The following GRM1 variants were observed in gnomAD, a reference collection of about 807,000 sequenced individuals.
The protein encoded by GRM1 is glutamate metabotropic receptor 1, also known as metabotropic glutamate receptor 1.
In GRM1, 33 loss-of-function variants were observed where a neutral mutation model predicts 90.9. That is an observed-to-expected ratio of 0.36 (90% CI 0.28 to 0.49). The LOEUF (loss-of-function observed/expected upper bound fraction) is 0.49, where lower values mean the gene tolerates loss of function less well. Ranked by LOEUF, GRM1 falls within the 20% of genes least tolerant of loss-of-function variation. The pLI, the probability that GRM1 is intolerant of heterozygous loss-of-function variation, is 0.99. For synonymous variants in GRM1, 700 were observed against 613.2 expected (o/e 1.14, Z -2.09); for missense variants, 1,190 against 1,534.3 (o/e 0.78, Z 3.75).
At chr6:146,347,982 T>C (rs762159265) in intron 3 of GRM1, among the ~76,000 whole-genome samples, 6 of 152,228 alleles carry the variant, frequency 3.9e-5, no homozygotes, top group Admixed American at 1.3e-4. Flanking sequence ...CATAACCCAC[T>C]GTGAAGCAGT....
chr6:146,304,511 T>G (rs1783506469), intron 2 of GRM1, 100 bp from the exon 3 acceptor site: 1 of 867,436 alleles, frequency 1.2e-6, no homozygotes, highest in Admixed American at 2.0e-5. Context: ...TAAAATAGTC[T>G]GTAGCCTTTT....
At chr6:146,362,280 A>C (rs569640522) in intron 5 of GRM1, among the ~76,000 whole-genome samples, 1 of 152,338 alleles carries the variant, frequency 6.6e-6, no homozygotes, top group South Asian at 2.1e-4. Flanking sequence ...CCTCATTTAC[A>C]CATGCCCTAT....
At chr6:146,397,302 G>A (rs1013555824) in intron 6 of GRM1, among the ~76,000 whole-genome samples, 4 of 151,468 alleles carry the variant, frequency 2.6e-5, no homozygotes, top group African/African-American at 4.9e-5. Context: ...GTGAAACCCC[G>A]TCTCTAGTAA....
chr6:146,172,845 A>G (rs1778188200), intron 2 of GRM1, among the ~76,000 whole-genome samples: 1 of 152,224 alleles, frequency 6.6e-6, no homozygotes, highest in East Asian at 1.9e-4. Context: ...TGAAAAATGT[A>G]TAACACTTTA....
Position 146,399,045 on chromosome 6 carries a change from C to A in GRM1, c.2006C>A (p.Ala669Glu), listed in dbSNP as rs776187845. Reference sequence around the variant, plus strand: ...CGCCTCTTGGTTGGCCTCTCCTCTGCGATGTGCTACTCTGCTTTAGTGACT... The same window carrying A: ...CGCCTCTTGGTTGGCCTCTCCTCTGAGATGTGCTACTCTGCTTTAGTGACT... Reference protein sequence around the residue: ...LQRLLVGLSSAMCYSALVTKT... With the variant: ...LQRLLVGLSSEMCYSALVTKT... The change falls in exon 7 of 8, where the codon GCG becomes GAG. Residue 669 changes from alanine to glutamate, a missense_variant. By Grantham distance (107) the Ala-to-Glu change is moderately radical. Transcript: ENST00000282753. This position sits in a 1 kb window ranked among gnomAD's most constrained non-coding sequence, Gnocchi z 5.4. 2 of 1,614,082 alleles carry A rather than the reference C, an allele frequency of 1.2e-6. No homozygotes were observed. Among genetic ancestry groups the A allele is most frequent in the African/African-American group, 1.3e-5 (1 of 75,012 alleles).
chr6:146,134,672 G>A (rs989762069), intron 1 of GRM1, among the ~76,000 whole-genome samples: 3 of 152,044 alleles, frequency 2.0e-5, no homozygotes, highest in East Asian at 1.9e-4. Context: ...GGCTCACATC[G>A]GTAATCCTAG....
intron 2 of GRM1, among the ~76,000 whole-genome samples, chr6:146,288,948 T>C (rs945623329): frequency 2.6e-5 from 4 of 152,214 alleles, no homozygotes; most frequent in African/African-American, 9.7e-5. Flanking sequence ...TTTGTGGTGA[T>C]CCCAGTATAA....
intron 1 of GRM1, among the ~76,000 whole-genome samples, chr6:146,123,800 T>C (rs993548733): frequency 6.6e-6 from 1 of 152,182 alleles, no homozygotes; most frequent in African/African-American, 2.4e-5. Context: ...ATTCTCCCAC[T>C]GTTCTGGTCT....
intron 1 of GRM1, among the ~76,000 whole-genome samples, chr6:146,045,633 A>G (rs924210329): frequency 1.1e-4 from 16 of 151,816 alleles, no homozygotes; most frequent in Admixed American, 8.5e-4. Flanking sequence ...ATGAAACAAG[A>G]TGATCGATTA....
At chr6:146,258,013 A>G (rs1176373756) in intron 2 of GRM1, among the ~76,000 whole-genome samples, 1 of 151,912 alleles carries the variant, frequency 6.6e-6, no homozygotes, top group Non-Finnish European at 1.5e-5. Flanking sequence ...GTTTTTTTCT[A>G]AGAAAATACT....
intron 1 of GRM1, among the ~76,000 whole-genome samples, chr6:146,123,859 T>C (rs1441550408): frequency 6.6e-6 from 1 of 152,222 alleles, no homozygotes; most frequent in East Asian, 1.9e-4. Flanking sequence ...GATTCATCCT[T>C]ATTTTTAAAT....
intron 1 of GRM1, among the ~76,000 whole-genome samples, chr6:146,130,873 A>C (rs1042354517): frequency 1.3e-5 from 2 of 152,166 alleles, no homozygotes; most frequent in African/African-American, 4.8e-5. Context: ...TTTATCTACC[A>C]TCATGAGTCT....
chr6:146,195,770 A>G (rs564820235), intron 2 of GRM1, among the ~76,000 whole-genome samples: 33 of 152,330 alleles, frequency 2.2e-4, no homozygotes, highest in African/African-American at 7.5e-4. Flanking sequence ...GGCGATAGAG[A>G]GGGAATAAAC....
intron 2 of GRM1, among the ~76,000 whole-genome samples, chr6:146,174,290 A>G (rs1300017508): frequency 4.6e-5 from 7 of 152,204 alleles, no homozygotes; most frequent in African/African-American, 7.2e-5. Context: ...ACACTACACA[A>G]TAACTACTGG....
chr6:146,356,162 A>G (rs1785574884), intron 4 of GRM1, among the ~76,000 whole-genome samples: 1 of 152,234 alleles, frequency 6.6e-6, no homozygotes, highest in African/African-American at 2.4e-5. Flanking sequence ...AATGAAAATA[A>G]CCAGAGTATT....
chr6:146,299,690 A>G (rs1783305617), intron 2 of GRM1, among the ~76,000 whole-genome samples: 1 of 152,218 alleles, frequency 6.6e-6, no homozygotes, highest in Non-Finnish European at 1.5e-5. Context: ...TAAATGGCTA[A>G]TATTCATCTG....
chr6:146,154,306 C>T (rs764231405), intron 1 of GRM1, among the ~76,000 whole-genome samples: 16 of 152,208 alleles, frequency 1.1e-4, no homozygotes, highest in Non-Finnish European at 1.8e-4. Flanking sequence ...ATTTACCTTG[C>T]AGATTCCTGA....
intron 2 of GRM1, among the ~76,000 whole-genome samples, chr6:146,288,609 G>A (rs926931543): frequency 2.6e-5 from 4 of 151,998 alleles, no homozygotes; most frequent in South Asian, 2.1e-4. Context: ...GGGTTCAAGC[G>A]ATTCTCCTGC....
chr6:146,234,407 C>G (rs1422834420), intron 2 of GRM1, among the ~76,000 whole-genome samples: 1 of 151,756 alleles, frequency 6.6e-6, no homozygotes, highest in African/African-American at 2.4e-5. Flanking sequence ...GTTTCTATTT[C>G]TCTTATTTCT....
Sources: allele counts gnomAD v4.1 joint callset (sites outside exome capture counted in the v4.1 genomes callset), GRCh38; gene constraint gnomAD v4.1.1; non-coding constraint Gnocchi (gnomAD v3.1); transcripts MANE v1.5; gene names NCBI Gene and HGNC (gene_info 2026-07-23, HGNC 2026-07-21).